The following BPTF variants were observed in gnomAD, a reference collection of about 807,000 sequenced individuals.
The protein encoded by BPTF is nucleosome-remodeling factor subunit BPTF.
BPTF carries 18 observed loss-of-function variants against 292.5 expected under a neutral mutation model. That is an observed-to-expected ratio of 0.06 (90% confidence interval 0.04 to 0.09). The LOEUF (loss-of-function observed/expected upper bound fraction) is 0.09, where lower values mean the gene tolerates loss of function less well. Ranked by LOEUF, BPTF falls within the 10% of genes least tolerant of loss-of-function variation. The probability of loss-of-function intolerance (pLI) is 1.00; values close to 1 mark genes in which losing one functional copy is unlikely to be tolerated. For missense variants in BPTF, 2,726 were observed against 3,498.7 expected, an observed-to-expected ratio of 0.78 and a Z score of 5.57; for synonymous variants, 1,225 against 1,251.9, an observed-to-expected ratio of 0.98 and a Z score of 0.45.
At chr17:67,980,212 G>A (rs1191697963) in intron 27 of BPTF, among the ~76,000 whole-genome samples, 4 of 152,088 alleles carry the variant, frequency 2.6e-5, no homozygotes, top group Admixed American at 1.3e-4. Flanking sequence ...GGGCCTGGGG[G>A]CAGGCACCTG....
intron 11 of BPTF, among the ~76,000 whole-genome samples, chr17:67,917,936 C>T (rs910347022): frequency 2.0e-5 from 3 of 152,154 alleles, no homozygotes; most frequent in East Asian, 1.9e-4. Flanking sequence ...CTCAGGCTCC[C>T]GAGTAGCTGG....
intron 17 of BPTF, among the ~76,000 whole-genome samples, chr17:67,931,459 A>G (rs2064381428): frequency 6.6e-6 from 1 of 152,180 alleles, no homozygotes; most frequent in African/African-American, 2.4e-5. Context: ...TGGGCAACAG[A>G]GTGAGACCCT....
At chr17:67,942,475 C>A (rs2065454310) in intron 19 of BPTF, among the ~76,000 whole-genome samples, 2 of 152,092 alleles carry the variant, frequency 1.3e-5, no homozygotes, top group South Asian at 4.1e-4. Flanking sequence ...TCCAACAAAA[C>A]CAAGAGTTAG....
chr17:67,838,054 C>T (rs548270547), intron 1 of BPTF, among the ~76,000 whole-genome samples: 1 of 152,342 alleles, frequency 6.6e-6, no homozygotes, highest in Admixed American at 6.5e-5. Flanking sequence ...GGTCAGGGGA[C>T]TGGCAAACTT....
At chr17:67,931,586 GA>G (rs1450216789) in intron 17 of BPTF, among the ~76,000 whole-genome samples, 2 of 152,226 alleles carry the variant, frequency 1.3e-5, no homozygotes, top group Admixed American at 1.3e-4. Flanking sequence ...GGAGCTTACA[GA>G]AAGTGCGACT....
At position 67,912,456 on chromosome 17, in the gene BPTF, A is replaced by G. The variant is rs751206145; in HGVS notation, c.4572A>G (p.Glu1524=). 1 of 1,613,884 alleles carries G rather than the reference A, an allele frequency of 6.2e-7. No homozygotes were observed. The highest frequency in any genetic ancestry group is 1.1e-5 in the South Asian group (1 of 90,988). ...CCACACCCTCAGCATCTTGTCCAGA[A>G]AGCAATTCAGTTAATCAGGTAGAAG... The part of the protein sequence containing the change: ...QTTTPSASCP[E]SNSVNQVEDM... Residue 1524 remains glutamate, a synonymous_variant, in exon 11 of 28, where the codon GAA becomes GAG. Transcript: ENST00000306378.
Position 67,866,595 on chromosome 17 carries a change from T to G in BPTF, c.1568T>G (p.Met523Arg), listed in dbSNP as rs1168915388. 1.2e-6 allele frequency: 2 copies of G among 1,613,884 alleles called. No individual in the cohort carries two copies. The highest frequency in any genetic ancestry group is 2.2e-5 in the East Asian group (1 of 44,900). The change falls in exon 3 of 28, where the codon ATG (methionine) becomes AGG (arginine). Residue 523 changes from methionine (M) to arginine (R), a missense_variant. By Grantham distance (91) the Met-to-Arg change is moderately conservative. Coordinates refer to ENST00000306378, the MANE Select transcript of BPTF (RefSeq NM_182641.4). ...GAACTCTGCAAAATTCTAGAAGAAA[T>G]GCGTGAAGAAATCCACCGACACATG... is the stretch of plus-strand genomic sequence containing the variant. ...EAELCKILEE[M>R]REEIHRHMDI... is the part of the protein sequence containing the mutation.
chr17:67,871,491 G>A (rs1206398040), intron 3 of BPTF, among the ~76,000 whole-genome samples: 4 of 149,108 alleles, frequency 2.7e-5, no homozygotes, highest in Non-Finnish European at 3.0e-5. Context: ...TATATTCATC[G>A]TATAGATCTG....
rs2058604083 is a variant in BPTF, at chr17:67,854,950, A to G, written c.1436+188A>G. On this transcript the variant is annotated intron_variant, in intron 2 of 27. Coordinates refer to ENST00000306378, the MANE Select transcript of BPTF (RefSeq NM_182641.4). This position sits in a 1 kb window ranked among gnomAD's most constrained non-coding sequence, Gnocchi z 5.6. Reference sequence around the variant, plus strand: ...TAGCTTTTAAGAAGGTAAAGGAAACATATATGAAAGAAGCAAAATTCCATT... The same window carrying G: ...TAGCTTTTAAGAAGGTAAAGGAAACGTATATGAAAGAAGCAAAATTCCATT... 6.6e-6 allele frequency among the ~76,000 whole-genome samples: 1 copy of G among 152,244 alleles called. No individual in the cohort carries two copies. The highest frequency in any genetic ancestry group is 2.4e-5 in the African/African-American group (1 of 41,464).
At chr17:67,910,542 G>A (rs562133635) in intron 10 of BPTF, among the ~76,000 whole-genome samples, 277 of 152,280 alleles carry the variant, frequency 1.8e-3, no homozygotes, top group Non-Finnish European at 2.6e-3. Flanking sequence ...GCTCATGCCT[G>A]TAATCTCAGC....
chr17:67,868,366 C>T (rs2059511159), intron 3 of BPTF, among the ~76,000 whole-genome samples: 1 of 152,092 alleles, frequency 6.6e-6, no homozygotes, highest in South Asian at 2.1e-4. Flanking sequence ...TGTAGCCATC[C>T]CTCAGTATTC....
At chr17:67,907,653 G>A (rs1457995872) in intron 9 of BPTF, among the ~76,000 whole-genome samples, 7 of 152,042 alleles carry the variant, frequency 4.6e-5, no homozygotes, top group African/African-American at 1.7e-4. Flanking sequence ...ACTGCTCCCA[G>A]CCAAATTTTA....
intron 1 of BPTF, among the ~76,000 whole-genome samples, chr17:67,840,213 C>T (rs1350126961): frequency 2.0e-5 from 3 of 151,896 alleles, no homozygotes; most frequent in Non-Finnish European, 2.9e-5. Context: ...AGCCATCCTC[C>T]CACCTCTCAG....
chr17:67,870,919 G>A (rs371439372), intron 3 of BPTF, among the ~76,000 whole-genome samples: 59 of 151,186 alleles, frequency 3.9e-4, no homozygotes, highest in South Asian at 1.7e-3. Flanking sequence ...ACAGGCGCCC[G>A]CCACTACGCC....
At chr17:67,851,345 G>A (rs747606156) in intron 1 of BPTF, among the ~76,000 whole-genome samples, 1 of 151,612 alleles carries the variant, frequency 6.6e-6, no homozygotes, top group Non-Finnish European at 1.5e-5. Context: ...AACAGTGCTG[G>A]ATGAACGCCT....
At chr17:67,918,675 C>T in intron 11 of BPTF, 39 bp from the exon 12 acceptor site, 1 of 1,579,006 alleles carries the variant, frequency 6.3e-7, no homozygotes, top group Non-Finnish European at 8.7e-7. Flanking sequence ...TATGTATATA[C>T]ATATAGATAT....
intron 4 of BPTF, chr17:67,886,239 A>T: frequency 3.1e-6 from 5 of 1,614,116 alleles, no homozygotes; most frequent in Non-Finnish European, 4.2e-6. Context: ...TCCCAGAGTG[A>T]ATCTGCTAAG....
At chr17:67,875,704 A>G (rs1356507197) in intron 4 of BPTF, 8 of 1,604,550 alleles carry the variant, frequency 5.0e-6, no homozygotes, top group Non-Finnish European at 6.0e-6. Context: ...GCAACATGGC[A>G]GAGAAGAAGG....
chr17:67,930,679 C>T (rs2064300552), intron 17 of BPTF, among the ~76,000 whole-genome samples: 1 of 152,088 alleles, frequency 6.6e-6, no homozygotes, highest in African/African-American at 2.4e-5. Context: ...GGCAGTAGCT[C>T]AAGCCTGTAA....
Sources: gnomAD v4.1 joint callset for allele counts (sites outside exome capture counted in the v4.1 genomes callset) on GRCh38, gnomAD v4.1.1 for gene constraint, Gnocchi (gnomAD v3.1) non-coding constraint, MANE v1.5 for transcripts, NCBI Gene and HGNC (gene_info 2026-07-23, HGNC 2026-07-21) for gene names.